The following WDR91 variants were observed in gnomAD, a reference collection of about 807,000 sequenced individuals.
WDR91 encodes WD repeat domain 91.
A neutral mutation model predicts 88.4 loss-of-function variants in WDR91; 52 were observed. The ratio of observed to expected loss-of-function variants is 0.59; its 90% CI spans 0.47 to 0.74. The LOEUF (loss-of-function observed/expected upper bound fraction) is 0.74. WDR91 is among the 30% of genes least tolerant of loss of function. WDR91 has a pLI of 0.00. For missense variants in WDR91, 824 were observed against 954.5 expected (o/e 0.86, Z 1.80); for synonymous variants, 362 against 389.5 (o/e 0.93, Z 0.83).
intron 1 of WDR91, among the ~76,000 whole-genome samples, chr7:135,210,196 A>G (rs942003899): frequency 6.6e-6 from 1 of 152,138 alleles, no homozygotes; most frequent in Non-Finnish European, 1.5e-5. Flanking sequence ...CTAAAAATAC[A>G]AAAATTAGCT....
rs1204153933 is a variant in WDR91 at position 135,205,992 on chromosome 7, C to A, written c.661G>T (p.Ala221Ser). 1 of 1,614,090 alleles carries A rather than the reference C, an allele frequency of 6.2e-7. No individual in the cohort carries two copies. Among genetic ancestry groups the A allele is most frequent in the East Asian group, 2.2e-5 (1 of 44,896 alleles). Reference protein sequence around the residue: ...KEEQQPEEEEALVQHKLPPYV... With the variant: ...KEEQQPEEEESLVQHKLPPYV... ...GGAGGCAATTTGTGTTGGACCAAGG[C>A]CTCTTCCTCTTCTGGCTGTTGCTCC... Residue 221 changes from alanine (A) to serine (S), a missense_variant, in exon 5 of 15, where the codon GCC (alanine) becomes TCC (serine). Physicochemically the swap from Ala to Ser is moderately conservative, Grantham distance 99 (BLOSUM62 1). Transcript: ENST00000354475.
At chr7:135,202,970 G>A (rs565541541) in intron 6 of WDR91, among the ~76,000 whole-genome samples, 29 of 152,210 alleles carry the variant, frequency 1.9e-4, no homozygotes, top group Non-Finnish European at 3.1e-4. Flanking sequence ...GGGCCTGCAG[G>A]AATACAACTT....
In WDR91 at chr7:135,188,495, C is replaced by T; in HGVS notation, c.1819G>A (p.Val607Ile). The T allele has an allele frequency of 1.2e-6, 2 of 1,614,100 alleles. No individual in the cohort carries two copies. The highest frequency in any genetic ancestry group is 8.5e-7 in the Non-Finnish European group (1 of 1,180,026). Reference sequence around the variant, plus strand: ...TCATAGCTGAACTCCACAGAGTAGACCTCCCCGTAGTGGGCCCTCCAGCTC... The same window carrying T: ...TCATAGCTGAACTCCACAGAGTAGATCTCCCCGTAGTGGGCCCTCCAGCTC... ...AMSWRAHYGE[V>I]YSVEFSYDEN... The change falls in exon 13 of 15, where the codon GTC becomes ATC. Residue 607 changes from valine (V) to isoleucine (I), a missense_variant. By Grantham distance (29) the Val-to-Ile change is conservative. Transcript: ENST00000354475.
intron 3 of WDR91, among the ~76,000 whole-genome samples, chr7:135,207,878 T>C (rs537852762): frequency 6.6e-6 from 1 of 152,310 alleles, no homozygotes; most frequent in East Asian, 1.9e-4. Flanking sequence ...GAAAAGATCT[T>C]GAGTGACAGT....
rs993594155 is a variant in WDR91 at position 135,187,242 on chromosome 7, C to G, written c.1882-73G>C. ...TGCAGGCCTCAAGGAAGAGCCAGGA[C>G]CCACCCCACAGCAGAGGCTGGCGAG... On this transcript the variant is annotated intron_variant, in intron 13 of 14. Coordinates refer to ENST00000354475, the MANE Select transcript of WDR91 (RefSeq NM_014149.4). 2.0e-6 allele frequency: 3 copies of G among 1,531,642 alleles called. No homozygotes were observed. The African/African-American group carries it at 4.1e-5, about 21-fold the overall frequency. The allele number at this position is 1,531,642 out of a possible 1,614,324, so 94.9% of individuals were successfully genotyped here.
Position 135,211,351 on chromosome 7 carries a change from T to C in WDR91, c.123+29A>G, listed in dbSNP as rs754046523. 3.8e-6 allele frequency: 6 copies of C among 1,595,372 alleles called. No homozygotes were observed. The African/African-American group carries it at 6.8e-5, about 18-fold the overall frequency. ...CTCCCCGGCTCCCTCGGGCCGCCTC[T>C]GCCCGCGCCGCTCCCGCCGGCCTCT... On this transcript the variant is annotated intron_variant, in intron 1 of 14. Transcript: ENST00000354475.
chr7:135,191,752 T>C (rs989473860), intron 11 of WDR91, among the ~76,000 whole-genome samples: 2 of 152,286 alleles, frequency 1.3e-5, no homozygotes, highest in Admixed American at 1.3e-4. Flanking sequence ...GATGGGTCTG[T>C]GGGTGCTCAC....
chr7:135,192,706 C>T lies in WDR91; in HGVS notation c.1659+525G>A, dbSNP rs565643842. Among the ~76,000 whole-genome samples the T allele has an allele frequency of 3.3e-5, 5 of 152,286 alleles. 1 individual carries two copies. The South Asian group carries it at 8.3e-4, about 25-fold the overall frequency. On this transcript the variant is annotated intron_variant, in intron 11 of 14. Transcript: ENST00000354475. Reference sequence around the variant, plus strand: ...GCCATATGACTTGTAAGCAGTGAAACGAATCATTTTAATAAGAAGTAGCAC... The same window carrying T: ...GCCATATGACTTGTAAGCAGTGAAATGAATCATTTTAATAAGAAGTAGCAC...
At position 135,209,895 on chromosome 7, in the gene WDR91, A is replaced by G. The variant is rs368624090; in HGVS notation, c.124-140T>C. ...GTTAGCAATCTATAAAATTTTCAAA[A>G]CATACTAATGCAACGGTTTTTCAGT... On this transcript the variant is annotated intron_variant, in intron 1 of 14. Coordinates refer to ENST00000354475, the MANE Select transcript of WDR91 (RefSeq NM_014149.4). 20 of 650,496 alleles carry G rather than the reference A, an allele frequency of 3.1e-5. No individual in the cohort carries two copies. In the East Asian group the frequency reaches 6.1e-4, roughly 20 times the overall value. 40.3% of individuals were successfully genotyped at this position (650,496 alleles called of 1,614,324 possible). A position where few individuals can be genotyped will look rare whatever the true frequency, so the allele number is the denominator to read the frequency against.
intron 1 of WDR91, chr7:135,210,799 A>C: frequency 1.4e-6 from 1 of 703,708 alleles, no homozygotes; most frequent in South Asian, 1.5e-5. Flanking sequence ...GTACACACAA[A>C]CATACAAATC....
At chr7:135,193,764 G>T in intron 9 of WDR91, 92 bp from the exon 10 acceptor site, 1 of 1,060,262 alleles carries the variant, frequency 9.4e-7, no homozygotes, top group Non-Finnish European at 1.4e-6. Context: ...TGGGCAGGCT[G>T]TGGGGGTGAG....
At chr7:135,194,858 A>C (rs1340084620) in intron 9 of WDR91, 76 bp downstream of exon 9, 29 of 1,570,858 alleles carry the variant, frequency 1.8e-5, no homozygotes, top group Non-Finnish European at 2.3e-5. Flanking sequence ...GGCTGTCTTG[A>C]CTCAGCCGGT....
intron 7 of WDR91, 59 bp downstream of exon 7, chr7:135,197,934 C>G (rs1456149146): frequency 6.4e-7 from 1 of 1,573,146 alleles, no homozygotes; most frequent in East Asian, 2.3e-5. Flanking sequence ...GAAGACCCCC[C>G]ACAGTGTTCC....
At chr7:135,200,199 G>T (rs1831521595) in intron 6 of WDR91, 1 of 152,202 alleles carries the variant, frequency 6.6e-6, no homozygotes. Flanking sequence ...AGTAGGTGAA[G>T]GCCAATTTGT....
intron 11 of WDR91, among the ~76,000 whole-genome samples, chr7:135,190,972 G>A (rs1227161956): frequency 6.6e-6 from 1 of 152,104 alleles, no homozygotes; most frequent in African/African-American, 2.4e-5. Flanking sequence ...CTCTGATTCA[G>A]AAAACAAATC....
chr7:135,186,822 CTA>C, intron 14 of WDR91, 148 bp downstream of exon 14: 1 of 945,374 alleles, frequency 1.1e-6, no homozygotes, highest in Non-Finnish European at 1.7e-6. Flanking sequence ...AACCCCAGCA[CTA>C]GCTAGCCAGC....
chr7:135,207,058 A>C, intron 4 of WDR91, 62 bp downstream of exon 4: 2 of 1,421,624 alleles, frequency 1.4e-6, no homozygotes, highest in Non-Finnish European at 1.9e-6. Context: ...CACTGCCACT[A>C]CCTAATTTCA....
intron 11 of WDR91, among the ~76,000 whole-genome samples, chr7:135,192,408 G>A (rs890770464): frequency 1.3e-5 from 2 of 152,190 alleles, no homozygotes. Flanking sequence ...ATGAGCAACT[G>A]CTCCTGGCCA....
At position 135,185,295 on chromosome 7, in the gene WDR91, T is replaced by C. The variant is rs1830894947; in HGVS notation, c.*856A>G. The C allele has an allele frequency of 6.6e-6, 1 of 152,204 alleles. No individual in the cohort carries two copies. The highest frequency in any genetic ancestry group is 6.5e-5 in the Admixed American group (1 of 15,282). 9.4% of individuals were successfully genotyped at this position (152,204 alleles called of 1,614,324 possible). A position where few individuals can be genotyped will look rare whatever the true frequency, so the allele number is the denominator to read the frequency against. On this transcript the variant is annotated 3_prime_UTR_variant, in exon 15 of 15. Transcript: ENST00000354475. ...TAGAGTTACCTTCAGGCTACATGTA[T>C]AAGGTATATATAAAACATGAATGAA...
Sources: gnomAD v4.1 joint callset for allele counts (sites outside exome capture counted in the v4.1 genomes callset) on GRCh38, gnomAD v4.1.1 for gene constraint, MANE v1.5 for transcripts, NCBI Gene and HGNC (gene_info 2026-07-23, HGNC 2026-07-21) for gene names.